Variants in KCNMA1 observed in about 807,000 individuals in gnomAD.
The protein encoded by KCNMA1 is Calcium-activated potassium channel subunit alpha-1.
KCNMA1 carries 29 observed loss-of-function variants against 140.0 expected under a neutral mutation model. The ratio of observed to expected loss-of-function variants is 0.21; its 90% CI spans 0.15 to 0.28. KCNMA1 has a LOEUF of 0.28. KCNMA1 is among the 10% of genes least tolerant of loss of function. KCNMA1 has a pLI of 1.00. For missense variants in KCNMA1, 880 were observed against 1,602.2 expected, an observed-to-expected ratio of 0.55 and a Z score of 7.70; for synonymous variants, 612 against 611.9, an observed-to-expected ratio of 1.00 and a Z score of 0.00.
intron 20 of KCNMA1, among the ~76,000 whole-genome samples, chr10:76,958,631 T>G (rs1240532521): frequency 6.6e-6 from 1 of 152,124 alleles, no homozygotes; most frequent in Non-Finnish European, 1.5e-5. Flanking sequence ...CTGGTGTCCT[T>G]ACAAGAAGAG....
At chr10:77,636,288 T>A in intron 1 of KCNMA1, 1 of 1,479,714 alleles carries the variant, frequency 6.8e-7, no homozygotes, top group Non-Finnish European at 9.0e-7. Context: ...AGGGAAGACA[T>A]CTCTAGGGAC....
At chr10:77,532,024 T>G (rs188366293) in intron 1 of KCNMA1, among the ~76,000 whole-genome samples, 1 of 152,296 alleles carries the variant, frequency 6.6e-6, no homozygotes, top group Admixed American at 6.5e-5. Flanking sequence ...GTTACCCATA[T>G]GAATTCAACA....
rs923267707 is a variant in KCNMA1, at chr10:77,444,764, G to C, written c.379-40741C>G. On this transcript the variant is annotated intron_variant, in intron 1 of 27. Transcript: ENST00000286628. ...GCCCCAGTGAACCTGCTGAGTCCCA[G>C]GGAGCAGCTGGGCAGCCTCTTTGAA... Among the ~76,000 whole-genome samples, 14 of 152,266 alleles carry C rather than the reference G, an allele frequency of 9.2e-5. 1 individual carries two copies. The highest frequency in any genetic ancestry group is 3.4e-4 in the African/African-American group (14 of 41,554).
chr10:77,462,704 C>G (rs554186564), intron 1 of KCNMA1, among the ~76,000 whole-genome samples: 30 of 152,360 alleles, frequency 2.0e-4, no homozygotes, highest in Non-Finnish European at 4.1e-4. Context: ...GTCCCGCCCA[C>G]CCACAGCATC....
intron 14 of KCNMA1, 75 bp downstream of exon 14, chr10:77,073,022 T>G: frequency 7.1e-7 from 1 of 1,405,068 alleles, no homozygotes; most frequent in Non-Finnish European, 1.0e-6. Context: ...GTTTTGAGTT[T>G]AAGCTGTGCT....
intron 2 of KCNMA1, among the ~76,000 whole-genome samples, chr10:77,307,846 G>A (rs143798098): frequency 0.02 from 3,030 of 152,266 alleles, 53 homozygotes; most frequent in Non-Finnish European, 0.03. Flanking sequence ...ACTGCACCCG[G>A]CCTAAACACA....
chr10:77,043,013 T>C (rs2094826772), intron 14 of KCNMA1, among the ~76,000 whole-genome samples: 1 of 152,238 alleles, frequency 6.6e-6, no homozygotes, highest in Non-Finnish European at 1.5e-5. Flanking sequence ...TATATCTGAC[T>C]TTTACTGATT....
chr10:77,207,125 T>A (rs983106754), intron 3 of KCNMA1, among the ~76,000 whole-genome samples: 6 of 152,198 alleles, frequency 3.9e-5, no homozygotes, highest in Non-Finnish European at 7.3e-5. Context: ...GAACATTTTC[T>A]TGTCAATTTT....
At chr10:77,006,147 T>C (rs148325452) in intron 18 of KCNMA1, among the ~76,000 whole-genome samples, 6 of 152,202 alleles carry the variant, frequency 3.9e-5, no homozygotes, top group African/African-American at 9.6e-5. Context: ...CAATTTCCAA[T>C]GCAGAATCTT....
intron 19 of KCNMA1, among the ~76,000 whole-genome samples, chr10:76,973,371 G>A (rs921202184): frequency 6.6e-5 from 10 of 152,148 alleles, no homozygotes; most frequent in Admixed American, 5.9e-4. Flanking sequence ...TAACTTCCCA[G>A]CGCTCCCTTG....
At chr10:77,387,726 T>C in intron 2 of KCNMA1, among the ~76,000 whole-genome samples, 1 of 152,054 alleles carries the variant, frequency 6.6e-6, no homozygotes, top group South Asian at 2.1e-4. Flanking sequence ...CAAGTGATTC[T>C]CCTGCCTCAG....
downstream of KCNMA1, chr10:76,873,260 T>C (rs930248568): frequency 2.6e-5 from 4 of 152,228 alleles, no homozygotes; most frequent in African/African-American, 4.8e-5. Flanking sequence ...TGATACTTTA[T>C]TGGAAACAAA....
chr10:77,041,744 C>T (rs1213610528), intron 14 of KCNMA1, among the ~76,000 whole-genome samples: 1 of 152,158 alleles, frequency 6.6e-6, no homozygotes, highest in African/African-American at 2.4e-5. Context: ...GGCTTCCCTT[C>T]CAGTGGGGGC....
In KCNMA1 at chr10:77,500,484, C is replaced by T. The variant is rs141193439; in HGVS notation, c.379-96461G>A. On this transcript the variant is annotated intron_variant, in intron 1 of 27. Transcript: ENST00000286628. Reference sequence around the variant, plus strand: ...GCAATATAGTGAGACACCATCTCTACCAAACTGTAAAAAGCAAGCTAAGGA... The same window carrying T: ...GCAATATAGTGAGACACCATCTCTATCAAACTGTAAAAAGCAAGCTAAGGA... Among the ~76,000 whole-genome samples the T allele has an allele frequency of 5.3e-5, 8 of 152,128 alleles. No individual in the cohort carries two copies. In the East Asian group the frequency reaches 1.5e-3, roughly 29 times the overall value.
At chr10:76,940,624 G>A (rs1168757111) in intron 23 of KCNMA1, among the ~76,000 whole-genome samples, 1 of 152,102 alleles carries the variant, frequency 6.6e-6, no homozygotes, top group African/African-American at 2.4e-5. Context: ...GGGAAAGCAA[G>A]GTGTCAGTGG....
chr10:77,404,332 G>A (rs2154465700), intron 1 of KCNMA1, among the ~76,000 whole-genome samples: 1 of 152,210 alleles, frequency 6.6e-6, no homozygotes, highest in East Asian at 1.9e-4. Context: ...AGGCTGGAGT[G>A]CAGTGGCGCA....
At chr10:77,094,307 C>G (rs1022148143) in intron 9 of KCNMA1, among the ~76,000 whole-genome samples, 2 of 152,102 alleles carry the variant, frequency 1.3e-5, no homozygotes, top group African/African-American at 2.4e-5. Context: ...AGGATGCAAT[C>G]TGGGTCTCCC....
rs1182699133 is a variant in KCNMA1 at position 77,511,742 on chromosome 10, A to G, written c.379-107719T>C. ...CTGCGTACTGTCAGCTGACCTCAGG[A>G]TGTGACTATACAGTCGTCCCTGTCA... On this transcript the variant is annotated intron_variant, in intron 1 of 27. Coordinates refer to ENST00000286628, the MANE Select transcript of KCNMA1 (RefSeq NM_001161352.2). 3.9e-5 allele frequency among the ~76,000 whole-genome samples: 6 copies of G among 152,182 alleles called. No individual in the cohort carries two copies. In the East Asian group the frequency reaches 1.2e-3, roughly 29 times the overall value.
At chr10:77,013,222 C>T (rs186478916) in intron 17 of KCNMA1, among the ~76,000 whole-genome samples, 10 of 152,252 alleles carry the variant, frequency 6.6e-5, no homozygotes, top group Middle Eastern at 6.8e-3. Flanking sequence ...TGGATCCACA[C>T]GAGGTCTTGG....
Sources: gnomAD v4.1 joint callset for allele counts (sites outside exome capture counted in the v4.1 genomes callset) on GRCh38, gnomAD v4.1.1 for gene constraint, MANE v1.5 for transcripts, NCBI Gene and HGNC (gene_info 2026-07-23, HGNC 2026-07-21) for gene names.